CRISPLD2: variants seen among roughly 807,000 people sequenced by gnomAD.
CRISPLD2 encodes cysteine-rich secretory protein LCCL domain-containing 2.
In CRISPLD2, 47 loss-of-function variants were observed where a neutral mutation model predicts 71.1. That is an observed-to-expected ratio of 0.66 (90% CI 0.52 to 0.84). The LOEUF is 0.84. Among genes scored for constraint, CRISPLD2 ranks in the 40% least tolerant of loss-of-function variants. The pLI is 0.00. For synonymous variants in CRISPLD2, 317 were observed against 250.1 expected (o/e 1.27, Z -2.52); for missense variants, 830 against 651.1 (o/e 1.27, Z -2.99).
At chr16:84,843,736 TG>T (rs1264343562) in intron 2 of CRISPLD2, among the ~76,000 whole-genome samples, 1 of 152,172 alleles carries the variant, frequency 6.6e-6, no homozygotes, top group Admixed American at 6.5e-5. Flanking sequence ...ATGATTTTCG[TG>T]GGATGGGTCT....
intron 13 of CRISPLD2, among the ~76,000 whole-genome samples, chr16:84,883,639 G>A (rs1035077874): frequency 6.6e-6 from 1 of 152,196 alleles, no homozygotes; most frequent in Non-Finnish European, 1.5e-5. Context: ...TGGATCCAGA[G>A]AATCTGCATT....
chr16:84,878,209 G>T (rs1438663559), intron 12 of CRISPLD2, among the ~76,000 whole-genome samples: 1 of 151,382 alleles, frequency 6.6e-6, no homozygotes, highest in South Asian at 2.1e-4. Flanking sequence ...GGGTGACAGA[G>T]CGAGACTCCG....
chr16:84,879,278 C>A (rs957995385), intron 12 of CRISPLD2, among the ~76,000 whole-genome samples: 1 of 151,656 alleles, frequency 6.6e-6, no homozygotes, highest in Non-Finnish European at 1.5e-5. Context: ...TGACACAGTG[C>A]AATATGCAAA....
intron 2 of CRISPLD2, among the ~76,000 whole-genome samples, chr16:84,840,747 G>A (rs1379789107): frequency 6.6e-6 from 1 of 152,040 alleles, no homozygotes; most frequent in Admixed American, 6.6e-5. Flanking sequence ...TCACCATGTT[G>A]GCCAGGCTGG....
chr16:84,848,511 G>T lies in CRISPLD2; in HGVS notation c.360-874G>T, dbSNP rs112789027. Reference sequence around the variant, plus strand: ...TTGGCAGCCAAGGCTGAAGCAAGGGGGTGGTGGGCATGAAGCGATGACCCC... The same window carrying T: ...TTGGCAGCCAAGGCTGAAGCAAGGGTGTGGTGGGCATGAAGCGATGACCCC... On this transcript the variant is annotated intron_variant, in intron 3 of 14. Transcript: ENST00000262424. Among the ~76,000 whole-genome samples, 454 of 151,616 alleles carry T rather than the reference G, an allele frequency of 3.0e-3. 3 individuals are homozygous for T. Among genetic ancestry groups the T allele is most frequent in the African/African-American group, 0.011 (440 of 41,382 alleles).
Position 84,877,495 on chromosome 16 carries a change from C to G in CRISPLD2, c.1214C>G (p.Ala405Gly). ...CAGCTGTGCCCGTTTGAAAAGCCAG[C>G]AACTCACTGCCCAAGGTAAGGCGGG... is the stretch of plus-strand genomic sequence containing the variant. Reference protein sequence around the residue: ...VAQLCPFEKPATHCPRIHCPA... With the variant: ...VAQLCPFEKPGTHCPRIHCPA... The change falls in exon 12 of 15, where the codon GCA (alanine) becomes GGA (glycine). Residue 405 changes from alanine to glycine, a missense_variant. Ala to Gly is a moderately conservative substitution (Grantham distance 60, BLOSUM62 0). Coordinates refer to ENST00000262424, the MANE Select transcript of CRISPLD2 (RefSeq NM_031476.4). 6.2e-7 allele frequency: 1 copy of G among 1,613,854 alleles called. No individual in the cohort carries two copies. Among genetic ancestry groups the G allele is most frequent in the Non-Finnish European group, 8.5e-7 (1 of 1,179,792 alleles).
intron 1 of CRISPLD2, among the ~76,000 whole-genome samples, chr16:84,822,791 G>A (rs996896108): frequency 2.0e-5 from 3 of 152,196 alleles, no homozygotes; most frequent in African/African-American, 4.8e-5. Context: ...GCAAGGGACA[G>A]GTAGATCTGG....
intron 9 of CRISPLD2, among the ~76,000 whole-genome samples, 153 bp from the exon 10 acceptor site, chr16:84,872,839 G>T (rs1022496616): frequency 1.3e-5 from 2 of 152,166 alleles, no homozygotes; most frequent in Non-Finnish European, 2.9e-5. Context: ...CAAATATGTG[G>T]TTACAGACAG....
chr16:84,860,200 AC>A (rs1240757443), intron 6 of CRISPLD2, among the ~76,000 whole-genome samples: 1 of 152,136 alleles, frequency 6.6e-6, no homozygotes, highest in Non-Finnish European at 1.5e-5. Context: ...ACAGTGAAGA[AC>A]CTTTTTTAAC....
At chr16:84,856,831 G>T (rs1313228946) in intron 6 of CRISPLD2, among the ~76,000 whole-genome samples, 1 of 152,222 alleles carries the variant, frequency 6.6e-6, no homozygotes. Context: ...TGAGCCCACT[G>T]CCACACTTTT....
At chr16:84,848,668 T>G (rs188453403) in intron 3 of CRISPLD2, among the ~76,000 whole-genome samples, 30 of 152,250 alleles carry the variant, frequency 2.0e-4, no homozygotes, top group Non-Finnish European at 3.7e-4. Flanking sequence ...CTCCAACTCC[T>G]GACCTCAGGT....
At chr16:84,848,383 C>T (rs1018926447) in intron 3 of CRISPLD2, among the ~76,000 whole-genome samples, 5 of 151,840 alleles carry the variant, frequency 3.3e-5, no homozygotes, top group South Asian at 2.1e-4. Context: ...TTCTCTTCAT[C>T]GAAACCACTT....
chr16:84,831,787 T>C (rs1916494777), intron 1 of CRISPLD2, among the ~76,000 whole-genome samples: 1 of 152,144 alleles, frequency 6.6e-6, no homozygotes, highest in South Asian at 2.1e-4. Context: ...CAGGCGGGAG[T>C]GCAGAGGCAC....
intron 12 of CRISPLD2, among the ~76,000 whole-genome samples, chr16:84,880,243 T>G (rs1364789361): frequency 6.6e-6 from 1 of 152,226 alleles, no homozygotes; most frequent in African/African-American, 2.4e-5. Context: ...TTTATTCTCT[T>G]TACCTTTTTG....
intron 13 of CRISPLD2, among the ~76,000 whole-genome samples, chr16:84,888,300 A>G (rs530229820): frequency 9.2e-5 from 14 of 152,296 alleles, no homozygotes; most frequent in Middle Eastern, 3.4e-3. Context: ...TTGAGAGGCC[A>G]AGGCGGGAGG....
intron 1 of CRISPLD2, among the ~76,000 whole-genome samples, chr16:84,833,250 G>GACCT (rs1916530874): frequency 6.6e-6 from 1 of 152,178 alleles, no homozygotes; most frequent in Non-Finnish European, 1.5e-5. Flanking sequence ...CATTGACCCT[G>GACCT]GGACCTGAAA....
At chr16:84,871,840 C>T (rs897409654) in intron 8 of CRISPLD2, among the ~76,000 whole-genome samples, 2 of 130,860 alleles carry the variant, frequency 1.5e-5, no homozygotes, top group South Asian at 2.4e-4. Flanking sequence ...GTGTGAGCCA[C>T]TGTGCCTGGC....
intron 12 of CRISPLD2, among the ~76,000 whole-genome samples, chr16:84,879,449 G>T (rs2071549187): frequency 6.7e-6 from 1 of 148,966 alleles, no homozygotes; most frequent in African/African-American, 2.5e-5. Flanking sequence ...TGCAACCTCT[G>T]CCTCCCAGAT....
chr16:84,864,505 G>A (rs1004776221), intron 6 of CRISPLD2, among the ~76,000 whole-genome samples: 4 of 152,182 alleles, frequency 2.6e-5, no homozygotes, highest in South Asian at 2.1e-4. Flanking sequence ...CCTCATTGAC[G>A]GGAAGAACAG....
Sources: allele counts gnomAD v4.1 joint callset (sites outside exome capture counted in the v4.1 genomes callset), GRCh38; gene constraint gnomAD v4.1.1; transcripts MANE v1.5; gene names NCBI Gene and HGNC (gene_info 2026-07-23, HGNC 2026-07-21).